Variants in ADGB observed in about 807,000 individuals in gnomAD.
The protein encoded by ADGB is calpain-7-like protein.
A neutral mutation model predicts 210.5 loss-of-function variants in ADGB; 172 were observed. The ratio of observed to expected loss-of-function variants is 0.82; its 90% CI spans 0.72 to 0.93. The LOEUF (loss-of-function observed/expected upper bound fraction) is 0.93, where lower values mean the gene tolerates loss of function less well. Among genes scored for constraint, ADGB ranks in the 40% least tolerant of loss-of-function variants. The pLI, the probability that ADGB is intolerant of heterozygous loss-of-function variation, is 0.00. For synonymous variants in ADGB, 658 were observed against 662.7 expected (o/e 0.99, Z 0.11); for missense variants, 2,025 against 1,964.8 (o/e 1.03, Z -0.58).
In ADGB at chr6:146,764,054, C is replaced by G; in HGVS notation, c.3704C>G (p.Thr1235Ser). The G allele has an allele frequency of 6.4e-7, 1 of 1,551,386 alleles. No individual in the cohort carries two copies. The highest frequency in any genetic ancestry group is 1.4e-5 in the African/African-American group (1 of 73,172). Residue 1235 changes from threonine to serine, a missense_variant, in exon 28 of 36, where the codon ACT (threonine) becomes AGT (serine). Thr to Ser is a moderately conservative substitution (Grantham distance 58, BLOSUM62 1). Transcript: ENST00000397944. ...GGTCTACCCCTTGTGGAGGAGGAAA[C>G]TACCAGTACACCCACTAGAGAAGAC... Reference protein sequence around the residue: ...DIGLPLVEEETTSTPTREDSS... With the variant: ...DIGLPLVEEESTSTPTREDSS...
rs1775905303 is a variant in ADGB at position 146,664,198 on chromosome 6, T to C, written c.613-3T>C. 1.9e-6 allele frequency: 3 copies of C among 1,542,390 alleles called. No individual in the cohort carries two copies. The highest frequency in any genetic ancestry group is 2.6e-6 in the Non-Finnish European group (3 of 1,142,696). On this transcript the variant is annotated splice_polypyrimidine_tract_variant and splice_region_variant and intron_variant, in intron 5 of 35. Transcript: ENST00000397944. ...TATTACATTTCTTTCATCTTATTTT[T>C]AGGGTTGCTGGAGAAAGATAACAAT...
rs1022678123 is a variant in ADGB at position 146,728,728 on chromosome 6, C to T, written c.2507C>T (p.Ala836Val). ...PVPFHDKELT[A>V]QHFRVFHLSL... is the part of the protein sequence containing the mutation. Reference sequence around the variant, plus strand: ...CCCTTCCATGATAAAGAACTAACTGCACAGCACTTCAGGGTAAGCTTGTTT... The same window carrying T: ...CCCTTCCATGATAAAGAACTAACTGTACAGCACTTCAGGGTAAGCTTGTTT... Residue 836 changes from alanine (A) to valine (V), a missense_variant, in exon 20 of 36, where the codon GCA becomes GTA. Transcript: ENST00000397944. 3 of 1,548,386 alleles carry T rather than the reference C, an allele frequency of 1.9e-6. No homozygotes were observed. The African/African-American group carries it at 4.1e-5, about 21-fold the overall frequency.
At chr6:146,607,410 G>T (rs1780647655) in intron 1 of ADGB, among the ~76,000 whole-genome samples, 1 of 152,088 alleles carries the variant, frequency 6.6e-6, no homozygotes, top group Non-Finnish European at 1.5e-5. Context: ...GATTGCTCTG[G>T]CTAGGACTTC....
At chr6:146,784,925 CA>C (rs1344351961) in intron 31 of ADGB, 131 bp downstream of exon 31, 4 of 896,428 alleles carry the variant, frequency 4.5e-6, no homozygotes, top group Non-Finnish European at 6.6e-6. Context: ...ATCAGACAGG[CA>C]TTGAATAACT....
chr6:146,800,705 A>C (rs1034744811), intron 33 of ADGB, among the ~76,000 whole-genome samples: 3 of 152,170 alleles, frequency 2.0e-5, no homozygotes, highest in African/African-American at 7.2e-5. Context: ...CTGGACTACA[A>C]GTTTATTGAA....
At position 146,724,305 on chromosome 6, in the gene ADGB, A is replaced by G. The variant is rs201660367; in HGVS notation, c.2215A>G (p.Thr739Ala). Residue 739 changes from threonine (T) to alanine (A), a missense_variant, in exon 18 of 36, where the codon ACA becomes GCA. Coordinates refer to ENST00000397944, the MANE Select transcript of ADGB (RefSeq NM_024694.4). Reference sequence around the variant, plus strand: ...GATTCACACATATGCTACCAAGGCTACAGTGGTTCGTCTGCCTGTTGGGTA... The same window carrying G: ...GATTCACACATATGCTACCAAGGCTGCAGTGGTTCGTCTGCCTGTTGGGTA... ...LKIHTYATKATVVRLPVGRHM... is the reference protein window; with the variant it reads ...LKIHTYATKAAVVRLPVGRHM... The G allele has an allele frequency of 1.3e-6, 2 of 1,543,726 alleles. No individual in the cohort carries two copies. Among genetic ancestry groups the G allele is most frequent in the African/African-American group, 1.4e-5 (1 of 72,600 alleles).
Position 146,672,420 on chromosome 6 carries a change from C to A in ADGB, c.1040C>A (p.Ser347Tyr), listed in dbSNP as rs1180645861. ...GTGAAGGAATTCAAACCTGAAAGTT[C>A]TTTGACAACACTAAAGGCTCCTGAG... Reference protein sequence around the residue: ...KDVKEFKPESSLTTLKAPEKS... With the variant: ...KDVKEFKPESYLTTLKAPEKS... The change falls in exon 8 of 36, where the codon TCT (serine) becomes TAT (tyrosine). Residue 347 changes from serine (S) to tyrosine (Y), a missense_variant. Coordinates refer to ENST00000397944, the MANE Select transcript of ADGB (RefSeq NM_024694.4). 4 of 1,550,760 alleles carry A rather than the reference C, an allele frequency of 2.6e-6. No individual in the cohort carries two copies. The highest frequency in any genetic ancestry group is 3.5e-6 in the Non-Finnish European group (4 of 1,146,722).
rs114853587 is a variant in ADGB, at chr6:146,724,393, A to G, written c.2237+66A>G. 2.7e-3 allele frequency: 3,861 copies of G among 1,438,598 alleles called. 87 individuals are homozygous for G. The African/African-American group carries it at 0.05, about 19-fold the overall frequency. 89.1% of individuals were successfully genotyped at this position (1,438,598 alleles called of 1,614,324 possible). ...GAAGGCTTGCAAATTGTTGGTTACT[A>G]AAGAAGTAAACAATATGGACTCTAA... On this transcript the variant is annotated intron_variant, in intron 18 of 35. Transcript: ENST00000397944.
intron 5 of ADGB, among the ~76,000 whole-genome samples, chr6:146,660,556 A>G (rs958807308): frequency 1.2e-4 from 18 of 152,102 alleles, no homozygotes; most frequent in African/African-American, 4.1e-4. Context: ...CCCTACACAC[A>G]GTCATTTTCT....
intron 9 of ADGB, among the ~76,000 whole-genome samples, chr6:146,679,237 A>G (rs1338450232): frequency 6.6e-6 from 1 of 152,202 alleles, no homozygotes; most frequent in African/African-American, 2.4e-5. Flanking sequence ...TCTTTACCAC[A>G]TTCCACTTTC....
chr6:146,635,723 C>G (rs1775410260), intron 2 of ADGB, among the ~76,000 whole-genome samples, 186 bp downstream of exon 2: 2 of 151,934 alleles, frequency 1.3e-5, no homozygotes, highest in Admixed American at 1.3e-4. Flanking sequence ...TAGTCCTGAG[C>G]TTTGGTGAAT....
intron 12 of ADGB, among the ~76,000 whole-genome samples, chr6:146,696,365 A>G (rs1229118633): frequency 6.6e-6 from 1 of 151,888 alleles, no homozygotes; most frequent in Non-Finnish European, 1.5e-5. Flanking sequence ...TGTGAGCCAC[A>G]GTGCCCAGCC....
chr6:146,667,020 G>A, intron 7 of ADGB, 118 bp downstream of exon 7: 1 of 664,046 alleles, frequency 1.5e-6, no homozygotes, highest in Non-Finnish European at 2.5e-6. Flanking sequence ...AAATTTGGGG[G>A]AAAATATCGT....
At chr6:146,773,708 G>A (rs1777686295) in intron 29 of ADGB, among the ~76,000 whole-genome samples, 1 of 152,182 alleles carries the variant, frequency 6.6e-6, no homozygotes, top group Non-Finnish European at 1.5e-5. Flanking sequence ...TCTAACATAA[G>A]TCTGATTTAT....
intron 27 of ADGB, among the ~76,000 whole-genome samples, chr6:146,754,854 G>A (rs1408855009): frequency 2.0e-5 from 3 of 152,058 alleles, no homozygotes; most frequent in Middle Eastern, 6.8e-3. Flanking sequence ...GTAGTTTGAT[G>A]TCTAAATGCA....
intron 35 of ADGB, chr6:146,803,091 T>C: frequency 6.5e-7 from 1 of 1,531,838 alleles, no homozygotes; most frequent in Non-Finnish European, 9.0e-7. Context: ...TTGTTTTTCT[T>C]CCTGTAAACA....
At chr6:146,612,155 G>A (rs1422023208) in intron 1 of ADGB, among the ~76,000 whole-genome samples, 2 of 152,066 alleles carry the variant, frequency 1.3e-5, no homozygotes, top group Non-Finnish European at 2.9e-5. Context: ...TTTCCCATCT[G>A]CCTCCTGCTT....
rs1187323869 is a variant in ADGB at position 146,801,923 on chromosome 6, G to T, written c.4730G>T (p.Arg1577Met). The change falls in exon 35 of 36, where the codon AGG becomes ATG. Residue 1577 changes from arginine to methionine, a missense_variant. Physicochemically the swap from Arg to Met is moderately conservative, Grantham distance 91. Coordinates refer to ENST00000397944, the MANE Select transcript of ADGB (RefSeq NM_024694.4). ...GAAATTCATCAGTTTCGACAGCATA[G>T]GACCAGAGTCCTTAGCATTCGAAAC... ...AEEIHQFRQH[R>M]TRVLSIRNID... is the part of the protein sequence containing the mutation. 6.4e-7 allele frequency: 1 copy of T among 1,551,110 alleles called. No individual in the cohort carries two copies. The highest frequency in any genetic ancestry group is 8.7e-7 in the Non-Finnish European group (1 of 1,146,744).
chr6:146,676,369 A>G lies in ADGB; in HGVS notation c.1144A>G (p.Lys382Glu), dbSNP rs1333836046. The G allele has an allele frequency of 1.9e-6, 3 of 1,549,424 alleles. No individual in the cohort carries two copies. The highest frequency in any genetic ancestry group is 2.6e-6 in the Non-Finnish European group (3 of 1,145,526). The change falls in exon 9 of 36, where the codon AAA (lysine) becomes GAA (glutamate). Residue 382 changes from lysine to glutamate, a missense_variant. Lys to Glu is a moderately conservative substitution (Grantham distance 56). Coordinates refer to ENST00000397944, the MANE Select transcript of ADGB (RefSeq NM_024694.4). Reference sequence around the variant, plus strand: ...GAGAAGCAAAGATGGAGAAAAAGAAAAATTCAAATTCTCACTTCATGGTTC... The same window carrying G: ...GAGAAGCAAAGATGGAGAAAAAGAAGAATTCAAATTCTCACTTCATGGTTC... ...KKRSKDGEKE[K>E]FKFSLHGSRP...
Sources: gnomAD v4.1 joint callset for allele counts (sites outside exome capture counted in the v4.1 genomes callset) on GRCh38, gnomAD v4.1.1 for gene constraint, MANE v1.5 for transcripts, NCBI Gene and HGNC (gene_info 2026-07-23, HGNC 2026-07-21) for gene names.